Variants in MACO1 observed in about 807,000 individuals in gnomAD.
The protein encoded by MACO1 is macoilin.
Under a neutral mutation model 78.7 loss-of-function variants are expected in MACO1, and 14 were observed. That is an observed-to-expected ratio of 0.18 (90% CI 0.12 to 0.28). MACO1 has a LOEUF of 0.28. MACO1 is among the 10% of genes least tolerant of loss of function. The pLI is 1.00. For synonymous variants in MACO1, 288 were observed against 291.6 expected, an observed-to-expected ratio of 0.99 and a Z score of 0.12; for missense variants, 501 against 799.0, an observed-to-expected ratio of 0.63 and a Z score of 4.50.
intron 10 of MACO1, among the ~76,000 whole-genome samples, chr1:25,494,766 A>G (rs1362912866): frequency 6.6e-6 from 1 of 152,328 alleles, no homozygotes; most frequent in Non-Finnish European, 1.5e-5. Flanking sequence ...GGAGAGCAGA[A>G]CAGATACAAG....
Position 25,480,932 on chromosome 1 carries a change from ATATATATATATATATATATATATAT to A in MACO1, c.1155-3183_1155-3159del, listed in dbSNP as rs2043370244. On this transcript the variant is annotated intron_variant, in intron 6 of 10. Transcript: ENST00000374343. ...CTTGGTTAAAAAAAAAAAAAAAAAT[ATATATATATATATATATATATATAT>A]ATATATATATATATATATTTCATGT... Among the ~76,000 whole-genome samples, 26 of 72,966 alleles carry A rather than the reference ATATATATATATATATATATATATAT, an allele frequency of 3.6e-4. 3 individuals carry two copies. The highest frequency in any genetic ancestry group is 1.1e-3 in the East Asian group (4 of 3,490). 47.9% of individuals were successfully genotyped at this position (72,966 alleles called of 152,430 possible). A position where few individuals can be genotyped will look rare whatever the true frequency, so the allele number is the denominator to read the frequency against.
chr1:25,451,391 T>C (rs1380719913), intron 3 of MACO1, among the ~76,000 whole-genome samples: 1 of 152,214 alleles, frequency 6.6e-6, no homozygotes, highest in Non-Finnish European at 1.5e-5. Context: ...TTATACTTGC[T>C]CAAAAATGCT....
chr1:25,464,862 A>G (rs1359671185), intron 6 of MACO1, among the ~76,000 whole-genome samples: 3 of 150,218 alleles, frequency 2.0e-5, no homozygotes, highest in Non-Finnish European at 3.0e-5. Flanking sequence ...TTTAGTAGAG[A>G]TGGGGTTTCA....
intron 3 of MACO1, among the ~76,000 whole-genome samples, chr1:25,450,987 A>G (rs777083802): frequency 3.3e-5 from 5 of 152,228 alleles, no homozygotes; most frequent in Non-Finnish European, 7.3e-5. Flanking sequence ...GAAACTAACC[A>G]TATAACTATT....
At chr1:25,438,900 AAAAAT>A (rs143841885) in intron 1 of MACO1, among the ~76,000 whole-genome samples, 1,974 of 152,162 alleles carry the variant, frequency 0.013, 35 homozygotes, top group African/African-American at 0.044. Flanking sequence ...CTGTCTCAAG[AAAAAT>A]AAAATAAAAT....
intron 6 of MACO1, among the ~76,000 whole-genome samples, chr1:25,480,805 C>T (rs888914372): frequency 6.6e-6 from 1 of 150,456 alleles, no homozygotes; most frequent in Non-Finnish European, 1.5e-5. Context: ...GTGGTGGGCA[C>T]CTGTAATCCC....
Position 25,456,643 on chromosome 1 carries a change from TTC to T in MACO1, c.474-8_474-7del, listed in dbSNP as rs2043123956. On this transcript the variant is annotated splice_polypyrimidine_tract_variant and splice_region_variant and intron_variant, in intron 4 of 10. Coordinates refer to ENST00000374343, the MANE Select transcript of MACO1 (RefSeq NM_018202.6). ...ACCTACAATTACTGGCTGGATTGTC[TTC>T]TTTCTAGTATTGGGTACCCTGTGGT... The T allele has an allele frequency of 6.2e-7, 1 of 1,609,610 alleles. No individual in the cohort carries two copies. Among genetic ancestry groups the T allele is most frequent in the Admixed American group, 1.7e-5 (1 of 58,514 alleles).
intron 1 of MACO1, among the ~76,000 whole-genome samples, chr1:25,433,895 G>T (rs143374438): frequency 6.6e-6 from 1 of 152,174 alleles, no homozygotes; most frequent in Non-Finnish European, 1.5e-5. Flanking sequence ...TTTTAAGGAG[G>T]CAGGAAATAC....
At chr1:25,437,028 TG>T (rs748915031) in intron 1 of MACO1, among the ~76,000 whole-genome samples, 14 of 152,220 alleles carry the variant, frequency 9.2e-5, no homozygotes, top group Admixed American at 2.0e-4. Flanking sequence ...ATATCACTGA[TG>T]AGTTTGAGCT....
chr1:25,435,110 A>G (rs1417495522), intron 1 of MACO1, among the ~76,000 whole-genome samples: 2 of 152,212 alleles, frequency 1.3e-5, no homozygotes, highest in African/African-American at 4.8e-5. Flanking sequence ...TTATGCAAGT[A>G]AATATAATAC....
chr1:25,441,886 C>A (rs1571951852), intron 1 of MACO1, among the ~76,000 whole-genome samples: 1 of 152,186 alleles, frequency 6.6e-6, no homozygotes, highest in African/African-American at 2.4e-5. Flanking sequence ...TTGAATGTTC[C>A]CAGTTATGAG....
chr1:25,433,924 T>C (rs2042897855), intron 1 of MACO1, among the ~76,000 whole-genome samples: 1 of 152,242 alleles, frequency 6.6e-6, no homozygotes, highest in Admixed American at 6.5e-5. Flanking sequence ...TTGGTGCAAC[T>C]GTAAACAAAA....
chr1:25,478,856 G>A (rs1399730104), intron 6 of MACO1, among the ~76,000 whole-genome samples: 1 of 152,230 alleles, frequency 6.6e-6, no homozygotes, highest in African/African-American at 2.4e-5. Context: ...TTGTAAGGGT[G>A]AAAACTGGTT....
At chr1:25,466,393 A>C (rs2043219463) in intron 6 of MACO1, among the ~76,000 whole-genome samples, 1 of 152,168 alleles carries the variant, frequency 6.6e-6, no homozygotes, top group Non-Finnish European at 1.5e-5. Context: ...GGCTCACTGC[A>C]ACCTCCACCT....
intron 10 of MACO1, among the ~76,000 whole-genome samples, chr1:25,495,719 T>C (rs544858108): frequency 3.3e-5 from 5 of 152,310 alleles, no homozygotes; most frequent in African/African-American, 9.6e-5. Flanking sequence ...ATACCAGCAC[T>C]TTGGGAGGCC....
At chr1:25,477,637 G>T (rs941029954) in intron 6 of MACO1, among the ~76,000 whole-genome samples, 49 of 152,288 alleles carry the variant, frequency 3.2e-4, no homozygotes, top group African/African-American at 1.1e-3. Context: ...TCACCCCTAG[G>T]TGAAGTCTTG....
At chr1:25,494,364 A>C (rs1409114318) in intron 10 of MACO1, among the ~76,000 whole-genome samples, 1 of 152,186 alleles carries the variant, frequency 6.6e-6, no homozygotes, top group African/African-American at 2.4e-5. Flanking sequence ...AGGGAAAAAC[A>C]TGTTGCCTGA....
chr1:25,445,703 T>C (rs71638384), intron 1 of MACO1, among the ~76,000 whole-genome samples: 399 of 152,320 alleles, frequency 2.6e-3, no homozygotes, highest in Non-Finnish European at 4.9e-3. Context: ...ATTTTGTTGT[T>C]TTTTTAAATG....
At chr1:25,448,990 G>A in intron 3 of MACO1, 56 bp downstream of exon 3, 3 of 1,372,284 alleles carry the variant, frequency 2.2e-6, no homozygotes, top group East Asian at 2.5e-5. Flanking sequence ...ATTTTTAAAT[G>A]TGGTTATTTC....
Sources: gnomAD v4.1 joint callset for allele counts (sites outside exome capture counted in the v4.1 genomes callset) on GRCh38, gnomAD v4.1.1 for gene constraint, MANE v1.5 for transcripts, NCBI Gene and HGNC (gene_info 2026-07-23, HGNC 2026-07-21) for gene names.